Variants in IL1RAPL1 observed in about 807,000 individuals in gnomAD.
IL1RAPL1 encodes the protein interleukin-1 receptor accessory protein-like 1.
In IL1RAPL1, 3 loss-of-function variants were observed where a neutral mutation model predicts 48.4. The ratio of observed to expected loss-of-function variants is 0.06; its 90% CI spans 0.03 to 0.16. The LOEUF (loss-of-function observed/expected upper bound fraction) is 0.16. Among genes scored for constraint, IL1RAPL1 ranks in the 10% least tolerant of loss-of-function variants. IL1RAPL1 has a pLI of 1.00. For missense variants in IL1RAPL1, 349 were observed against 530.6 expected (o/e 0.66, Z 3.36); for synonymous variants, 185 against 187.7 (o/e 0.99, Z 0.12).
chrX:28,866,360 C>T lies in IL1RAPL1; in HGVS notation c.82+76935C>T, dbSNP rs1301303271. Among the ~76,000 whole-genome samples, 16 of 110,990 alleles carry T rather than the reference C, an allele frequency of 1.4e-4. No homozygotes were observed. The Admixed American group carries it at 1.5e-3, about 11-fold the overall frequency. ...AAAGGCATAAGAATGATACAGTGGA[C>T]CTTGGGGACTCTGGAGGAAATGGTG... On this transcript the variant is annotated intron_variant, in intron 2 of 10. Transcript: ENST00000378993.
intron 2 of IL1RAPL1, among the ~76,000 whole-genome samples, chrX:29,005,584 C>T (rs774946008): frequency 1.6e-4 from 18 of 111,623 alleles, no homozygotes; most frequent in Non-Finnish European, 2.8e-4. Context: ...GAACATTATT[C>T]GAGTAGCTGC....
chrX:29,463,913 G>A (rs1415440596), intron 5 of IL1RAPL1, among the ~76,000 whole-genome samples: 2 of 111,167 alleles, frequency 1.8e-5, no homozygotes, highest in African/African-American at 3.3e-5. Context: ...CGACACTACC[G>A]ACCAACAGTT....
intron 2 of IL1RAPL1, among the ~76,000 whole-genome samples, chrX:28,956,430 T>C (rs1308081468): frequency 2.6e-4 from 29 of 110,918 alleles, no homozygotes; most frequent in Middle Eastern, 4.7e-3. Flanking sequence ...TTTTGAGATA[T>C]GTCCCATCAA....
intron 1 of IL1RAPL1, among the ~76,000 whole-genome samples, chrX:28,673,233 C>T (rs938091764): frequency 8.9e-6 from 1 of 111,915 alleles, no homozygotes; most frequent in African/African-American, 3.2e-5. Flanking sequence ...CTGACAAAAA[C>T]AAGCAATGGA....
At chrX:28,884,545 G>A (rs1398261409) in intron 2 of IL1RAPL1, among the ~76,000 whole-genome samples, 1 of 111,846 alleles carries the variant, frequency 8.9e-6, no homozygotes, top group Non-Finnish European at 1.9e-5. Flanking sequence ...GACATAGACT[G>A]TCTGTCATCT....
At chrX:28,820,980 G>A (rs964072595) in intron 2 of IL1RAPL1, among the ~76,000 whole-genome samples, 64 of 111,586 alleles carry the variant, frequency 5.7e-4, no homozygotes, top group African/African-American at 1.7e-3. Context: ...GTACAAAGGG[G>A]CCGTAATGAT....
intron 5 of IL1RAPL1, among the ~76,000 whole-genome samples, chrX:29,415,733 A>G (rs2879754): frequency 0.38 from 42,037 of 111,371 alleles, 6,558 homozygotes; most frequent in Middle Eastern, 0.56. Flanking sequence ...AACCAATTTT[A>G]TATATACAGC....
chrX:28,964,559 A>G (rs1311462314), intron 2 of IL1RAPL1, among the ~76,000 whole-genome samples: 1 of 111,952 alleles, frequency 8.9e-6, no homozygotes, highest in African/African-American at 3.2e-5. Flanking sequence ...ATAAATTTCT[A>G]GTAGCCAAGT....
At chrX:29,286,472 A>G (rs930245487) in intron 3 of IL1RAPL1, among the ~76,000 whole-genome samples, 7 of 111,315 alleles carry the variant, frequency 6.3e-5, no homozygotes, top group Non-Finnish European at 1.3e-4. Context: ...GCTTGAGGCC[A>G]GGAGTCCAAG....
chrX:29,005,748 C>G (rs1925962513), intron 2 of IL1RAPL1, among the ~76,000 whole-genome samples: 1 of 111,602 alleles, frequency 9.0e-6, no homozygotes, highest in Non-Finnish European at 1.9e-5. Context: ...GCCAGATACT[C>G]TTTAGCATGG....
chrX:29,218,165 A>C (rs1930912382), intron 2 of IL1RAPL1, among the ~76,000 whole-genome samples: 1 of 111,905 alleles, frequency 8.9e-6, no homozygotes. Context: ...TGAAGTATAC[A>C]TGAAACTATT....
intron 5 of IL1RAPL1, among the ~76,000 whole-genome samples, chrX:29,480,635 T>G (rs1270884785): frequency 9.0e-6 from 1 of 110,609 alleles, no homozygotes; most frequent in African/African-American, 3.3e-5. Flanking sequence ...TAATGTGTAC[T>G]AAAGGTAATC....
chrX:29,596,509 G>C (rs1425142092), intron 5 of IL1RAPL1, among the ~76,000 whole-genome samples: 1 of 111,763 alleles, frequency 8.9e-6, no homozygotes, highest in Non-Finnish European at 1.9e-5. Flanking sequence ...AAGTGGTTGG[G>C]ATCTTGATTT....
intron 1 of IL1RAPL1, among the ~76,000 whole-genome samples, chrX:28,776,468 C>G (rs1936363563): frequency 9.0e-6 from 1 of 111,708 alleles, no homozygotes; most frequent in African/African-American, 3.2e-5. Flanking sequence ...ATAGCCAATA[C>G]CTAGTTGAAA....
intron 5 of IL1RAPL1, among the ~76,000 whole-genome samples, chrX:29,439,830 G>T (rs1188066486): frequency 4.1e-5 from 4 of 98,358 alleles, no homozygotes; most frequent in South Asian, 9.7e-4. Context: ...TCAAATCCAG[G>T]CTGTATTATT....
chrX:28,704,742 T>C (rs1935346849), intron 1 of IL1RAPL1, among the ~76,000 whole-genome samples: 1 of 95,106 alleles, frequency 1.1e-5, no homozygotes, highest in African/African-American at 4.1e-5. Context: ...CAAGGAAAGA[T>C]ATAGGGAAGA....
chrX:29,297,878 C>T (rs915694222), intron 3 of IL1RAPL1, among the ~76,000 whole-genome samples: 2 of 111,531 alleles, frequency 1.8e-5, no homozygotes, highest in African/African-American at 6.5e-5. Context: ...TTTCCAATGG[C>T]TAATTTATTT....
At chrX:28,761,403 A>G (rs916563488) in intron 1 of IL1RAPL1, among the ~76,000 whole-genome samples, 1 of 112,196 alleles carries the variant, frequency 8.9e-6, no homozygotes, top group Non-Finnish European at 1.9e-5. Context: ...GTGGAATACT[A>G]TGGAGCCATA....
At chrX:28,873,413 T>A (rs950479505) in intron 2 of IL1RAPL1, among the ~76,000 whole-genome samples, 8 of 109,081 alleles carry the variant, frequency 7.3e-5, no homozygotes, top group Admixed American at 9.8e-5. Context: ...GCCCGGCCTC[T>A]GAGCCTAAGT....
Sources: allele counts gnomAD v4.1 joint callset (sites outside exome capture counted in the v4.1 genomes callset), GRCh38; gene constraint gnomAD v4.1.1; transcripts MANE v1.5; gene names NCBI Gene and HGNC (gene_info 2026-07-23, HGNC 2026-07-21).